ATXN1: variants seen among roughly 807,000 people sequenced by gnomAD.
ATXN1 encodes the protein ataxin-1.
Under a neutral mutation model 56.4 loss-of-function variants are expected in ATXN1, and 8 were observed. That is an observed-to-expected ratio of 0.14 (90% CI 0.08 to 0.26). ATXN1 has a LOEUF of 0.26. ATXN1 is among the 10% of genes least tolerant of loss of function. The pLI, the probability that ATXN1 is intolerant of heterozygous loss-of-function variation, is 1.00. For synonymous variants in ATXN1, 514 were observed against 494.6 expected (o/e 1.04, Z -0.52); for missense variants, 987 against 1,106.5 (o/e 0.89, Z 1.53).
chr6:16,514,964 A>C (rs1246535023), intron 5 of ATXN1, among the ~76,000 whole-genome samples: 1 of 151,768 alleles, frequency 6.6e-6, no homozygotes, highest in Non-Finnish European at 1.5e-5. Flanking sequence ...GCCTGGCGAC[A>C]GAGCGAGGCT....
intron 2 of ATXN1, among the ~76,000 whole-genome samples, chr6:16,728,439 G>A (rs964182838): frequency 6.6e-6 from 1 of 152,152 alleles, no homozygotes; most frequent in Non-Finnish European, 1.5e-5. Context: ...GAAACAAACA[G>A]GATATGTATG....
At position 16,639,765 on chromosome 6, in the gene ATXN1, T is replaced by C. The variant is rs139734471; in HGVS notation, c.-489+18011A>G. 2.4e-3 allele frequency among the ~76,000 whole-genome samples: 367 copies of C among 152,356 alleles called. 3 individuals are homozygous for C. Among genetic ancestry groups the C allele is most frequent in the African/African-American group, 8.2e-3 (340 of 41,586 alleles). The stretch of plus-strand genomic sequence containing the variant: ...ACTTTTAATTGTGGCTCATTAAAGA[T>C]GTAAATAGAAGAATTATGTTCACCT... On this transcript the variant is annotated intron_variant, in intron 3 of 7. Coordinates refer to ENST00000436367, the MANE Select transcript of ATXN1 (RefSeq NM_001128164.2).
At chr6:16,643,207 C>T (rs1012923113) in intron 3 of ATXN1, among the ~76,000 whole-genome samples, 2 of 150,452 alleles carry the variant, frequency 1.3e-5, no homozygotes, top group African/African-American at 2.4e-5. Context: ...GAGCAGAGAT[C>T]GTGCCACTGC....
intron 2 of ATXN1, among the ~76,000 whole-genome samples, chr6:16,712,746 G>A (rs1428164179): frequency 6.8e-6 from 1 of 147,418 alleles, no homozygotes; most frequent in African/African-American, 2.5e-5. Context: ...CCCTTAATCA[G>A]CCACCTTCAA....
intron 2 of ATXN1, among the ~76,000 whole-genome samples, chr6:16,751,719 A>G (rs896317134): frequency 6.6e-6 from 1 of 152,244 alleles, no homozygotes; most frequent in Non-Finnish European, 1.5e-5. Context: ...GGGTGGGTCC[A>G]AAGACCAAGG....
intron 6 of ATXN1, among the ~76,000 whole-genome samples, chr6:16,472,403 T>C (rs575538962): frequency 1.3e-5 from 2 of 152,362 alleles, no homozygotes; most frequent in East Asian, 3.9e-4. Context: ...CTATACTGTG[T>C]TCTGGAAGCC....
chr6:16,376,005 T>C (rs1017877328), intron 6 of ATXN1, among the ~76,000 whole-genome samples: 5 of 152,266 alleles, frequency 3.3e-5, no homozygotes, highest in African/African-American at 1.2e-4. Flanking sequence ...TGGTGCCCCA[T>C]GGCACAGCTG....
chr6:16,309,511 A>G (rs1760339229), intron 7 of ATXN1, among the ~76,000 whole-genome samples: 1 of 152,074 alleles, frequency 6.6e-6, no homozygotes, highest in Non-Finnish European at 1.5e-5. Context: ...ACATAATTTG[A>G]ATCCTAGGAG....
At chr6:16,566,582 G>A (rs186545020) in intron 4 of ATXN1, among the ~76,000 whole-genome samples, 139 of 152,150 alleles carry the variant, frequency 9.1e-4, no homozygotes, top group African/African-American at 3.1e-3. Context: ...GGCTGGGCGC[G>A]GTGGCTCACG....
At chr6:16,542,006 G>A (rs1025995814) in intron 4 of ATXN1, among the ~76,000 whole-genome samples, 2 of 152,144 alleles carry the variant, frequency 1.3e-5, no homozygotes, top group Non-Finnish European at 2.9e-5. Flanking sequence ...GGAATAAATT[G>A]ATAGGTGTAT....
chr6:16,564,614 G>A lies in ATXN1; in HGVS notation c.-361+21166C>T, dbSNP rs185133437. Among the ~76,000 whole-genome samples the A allele has an allele frequency of 8.7e-4, 132 of 152,276 alleles. 2 individuals are homozygous for A. The highest frequency in any genetic ancestry group is 5.4e-3 in the Admixed American group (82 of 15,290). ...TGAAAGAAGTCAGTCACAGAAGTCC[G>A]CATATTGCATGATTCTATTTATATG... On this transcript the variant is annotated intron_variant, in intron 4 of 7. Coordinates refer to ENST00000436367, the MANE Select transcript of ATXN1 (RefSeq NM_001128164.2).
chr6:16,680,406 A>C (rs1758789843), intron 2 of ATXN1, among the ~76,000 whole-genome samples: 1 of 152,160 alleles, frequency 6.6e-6, no homozygotes, highest in African/African-American at 2.4e-5. Flanking sequence ...CTGAGTTCCA[A>C]AGCAAATTCT....
At chr6:16,308,284 C>T (rs1164255376) in intron 7 of ATXN1, among the ~76,000 whole-genome samples, 1 of 150,882 alleles carries the variant, frequency 6.6e-6, no homozygotes, top group Non-Finnish European at 1.5e-5. Flanking sequence ...CGAGATCATG[C>T]CACTTCACTC....
At chr6:16,346,652 C>T (rs564278418) in intron 6 of ATXN1, among the ~76,000 whole-genome samples, 1 of 152,288 alleles carries the variant, frequency 6.6e-6, no homozygotes, top group South Asian at 2.1e-4. Flanking sequence ...ATTTTCTCTC[C>T]CTCTTTTTTG....
At chr6:16,756,989 G>A (rs1370391654) in intron 1 of ATXN1, among the ~76,000 whole-genome samples, 4 of 152,172 alleles carry the variant, frequency 2.6e-5, no homozygotes, top group East Asian at 3.8e-4. Flanking sequence ...AGAAATGTGC[G>A]TCCTTGGACT....
At chr6:16,510,113 A>G (rs942038206) in intron 5 of ATXN1, among the ~76,000 whole-genome samples, 1 of 152,250 alleles carries the variant, frequency 6.6e-6, no homozygotes, top group South Asian at 2.1e-4. Context: ...CTTCTGTCTT[A>G]TGCCATACTT....
intron 6 of ATXN1, among the ~76,000 whole-genome samples, chr6:16,436,035 C>T (rs148604945): frequency 1.1e-3 from 167 of 152,166 alleles, no homozygotes; most frequent in African/African-American, 3.9e-3. Context: ...GTGGCTGGGA[C>T]TACAGGCGCC....
chr6:16,596,262 G>A (rs1322378469), intron 3 of ATXN1, among the ~76,000 whole-genome samples: 2 of 152,128 alleles, frequency 1.3e-5, no homozygotes, highest in Non-Finnish European at 2.9e-5. Flanking sequence ...CTCCCAAAGT[G>A]CTGGATAACA....
chr6:16,345,988 A>T (rs1354979548), intron 6 of ATXN1, among the ~76,000 whole-genome samples: 6 of 152,152 alleles, frequency 3.9e-5, no homozygotes, highest in Non-Finnish European at 5.9e-5. Flanking sequence ...TGTAGGCAAC[A>T]CCCTCTGAAT....
Sources: gnomAD v4.1 joint callset for allele counts (sites outside exome capture counted in the v4.1 genomes callset) on GRCh38, gnomAD v4.1.1 for gene constraint, MANE v1.5 for transcripts, NCBI Gene and HGNC (gene_info 2026-07-23, HGNC 2026-07-21) for gene names.